Variants in IL16 observed in about 807,000 individuals in gnomAD.
IL16 encodes the protein interleukin 16.
IL16 carries 67 observed loss-of-function variants against 110.1 expected under a neutral mutation model. That is an observed-to-expected ratio of 0.61 (90% CI 0.50 to 0.75). The LOEUF (loss-of-function observed/expected upper bound fraction) is 0.75, where lower values mean the gene tolerates loss of function less well. Ranked by LOEUF, IL16 falls within the 30% of genes least tolerant of loss-of-function variation. The pLI is 0.00. For synonymous variants in IL16, 689 were observed against 662.9 expected, an observed-to-expected ratio of 1.04 and a Z score of -0.61; for missense variants, 1,545 against 1,655.0, an observed-to-expected ratio of 0.93 and a Z score of 1.15.
chr15:81,251,437 A>G (rs1334635135), intron 2 of IL16, among the ~76,000 whole-genome samples: 1 of 152,114 alleles, frequency 6.6e-6, no homozygotes, highest in Non-Finnish European at 1.5e-5. Flanking sequence ...CCTTTTATTT[A>G]GCAGAAGGAT....
At chr15:81,205,730 A>G (rs968535407) in intron 1 of IL16, among the ~76,000 whole-genome samples, 1 of 152,190 alleles carries the variant, frequency 6.6e-6, no homozygotes, top group Non-Finnish European at 1.5e-5. Context: ...AGCCTAAAGA[A>G]ACAAACTCTC....
At chr15:81,184,936 T>C (rs186734992) in intron 1 of IL16, among the ~76,000 whole-genome samples, 23 of 152,242 alleles carry the variant, frequency 1.5e-4, no homozygotes, top group African/African-American at 5.3e-4. Context: ...TCCTCAATAA[T>C]AGTTGGGTCC....
Position 81,309,154 on chromosome 15 carries a change from C to A in IL16, c.*356C>A. ...TACTGTAACTGTGTCATGATTCACC[C>A]CCAAACAGTGACATTTATTTTTCTC... On this transcript the variant is annotated 3_prime_UTR_variant, in exon 19 of 19. Coordinates refer to ENST00000683961, the MANE Select transcript of IL16 (RefSeq NM_172217.5). 1 of 207,226 alleles carries A rather than the reference C, an allele frequency of 4.8e-6. No homozygotes were observed. Among genetic ancestry groups the A allele is most frequent in the Non-Finnish European group, 9.6e-6 (1 of 103,810 alleles). 12.8% of individuals were successfully genotyped at this position (207,226 alleles called of 1,614,324 possible). A position where few individuals can be genotyped will look rare whatever the true frequency, so the allele number is the denominator to read the frequency against.
At chr15:81,240,326 T>C (rs974749279) in intron 2 of IL16, among the ~76,000 whole-genome samples, 2 of 152,072 alleles carry the variant, frequency 1.3e-5, no homozygotes, top group African/African-American at 4.8e-5. Context: ...GGCATTCTTG[T>C]ACATACCTCC....
At chr15:81,287,890 C>A (rs2142335790) in intron 10 of IL16, among the ~76,000 whole-genome samples, 1 of 152,334 alleles carries the variant, frequency 6.6e-6, no homozygotes, top group South Asian at 2.1e-4. Flanking sequence ...AATCTCTGGA[C>A]AATACAAGAA....
chr15:81,269,786 A>C, intron 5 of IL16, 138 bp downstream of exon 5: 1 of 631,494 alleles, frequency 1.6e-6, no homozygotes, highest in South Asian at 2.0e-5. Flanking sequence ...AAGAGTGGCT[A>C]GTCTTAAAAC....
At chr15:81,285,546 G>A (rs962311162) in intron 9 of IL16, 152 bp from the exon 10 acceptor site, 1 of 731,334 alleles carries the variant, frequency 1.4e-6, no homozygotes, top group Admixed American at 2.8e-5. Context: ...GCCCTGTTCT[G>A]AGTTTTGGTC....
At chr15:81,296,485 A>T (rs1184080329) in intron 12 of IL16, among the ~76,000 whole-genome samples, 3 of 152,218 alleles carry the variant, frequency 2.0e-5, no homozygotes, top group African/African-American at 7.2e-5. Flanking sequence ...ACAGCAATTG[A>T]CAAGCATTTT....
intron 1 of IL16, among the ~76,000 whole-genome samples, chr15:81,198,116 T>G (rs1258127753): frequency 6.6e-6 from 1 of 152,144 alleles, no homozygotes; most frequent in Non-Finnish European, 1.5e-5. Context: ...AGATATGACG[T>G]GGGCATGAGC....
chr15:81,261,062 C>A (rs1181283168), intron 3 of IL16, among the ~76,000 whole-genome samples: 1 of 152,192 alleles, frequency 6.6e-6, no homozygotes, highest in Non-Finnish European at 1.5e-5. Flanking sequence ...TGCTTTACAG[C>A]AATTTACAGA....
upstream of IL16, among the ~76,000 whole-genome samples, chr15:81,195,977 T>C (rs1196229649): frequency 6.6e-6 from 1 of 151,608 alleles, no homozygotes; most frequent in Non-Finnish European, 1.5e-5. Flanking sequence ...ATGCTCTGTA[T>C]ACGTTAGGTC....
In IL16 at chr15:81,225,510, T is replaced by C. The variant is rs1313606237; in HGVS notation, c.111T>C (p.Pro37=). The part of the protein sequence containing the change: ...NAKTSDDGSS[P]DEKYPDPFEI... ...AGACCAGTGATGATGGCTCTAGCCC[T>C]GATGAGAAATATCCTGATCCCTTTG... Residue 37 remains proline, a synonymous_variant, in exon 2 of 19, where the codon CCT becomes CCC. Coordinates refer to ENST00000683961, the MANE Select transcript of IL16 (RefSeq NM_172217.5). 1 of 1,614,148 alleles carries C rather than the reference T, an allele frequency of 6.2e-7. No individual in the cohort carries two copies. The highest frequency in any genetic ancestry group is 2.2e-5 in the East Asian group (1 of 44,878).
At chr15:81,266,795 C>A (rs1898402435) in intron 4 of IL16, among the ~76,000 whole-genome samples, 1 of 152,222 alleles carries the variant, frequency 6.6e-6, no homozygotes, top group Non-Finnish European at 1.5e-5. Flanking sequence ...CTCACCCAGC[C>A]TGTCTTGTGA....
At chr15:81,252,496 C>T (rs1897800037) in intron 2 of IL16, among the ~76,000 whole-genome samples, 1 of 152,070 alleles carries the variant, frequency 6.6e-6, no homozygotes, top group African/African-American at 2.4e-5. Flanking sequence ...AACTCACATA[C>T]CACACAATTA....
At position 81,219,375 on chromosome 15, in the gene IL16, G is replaced by A. The variant is rs569549654; in HGVS notation, c.-101-5924G>A. 4.9e-4 allele frequency among the ~76,000 whole-genome samples: 74 copies of A among 152,228 alleles called. 1 individual carries two copies. The highest frequency in any genetic ancestry group is 1.2e-3 in the Admixed American group (19 of 15,292). On this transcript the variant is annotated intron_variant, in intron 1 of 18. Transcript: ENST00000683961. ...AGTGGATATGCCCTTATCTATCTGG[G>A]TGGAAATGCCTTTATTTATCTAGCT...
chr15:81,285,283 C>A (rs1473046856), intron 9 of IL16, among the ~76,000 whole-genome samples: 1 of 152,202 alleles, frequency 6.6e-6, no homozygotes, highest in Non-Finnish European at 1.5e-5. Context: ...AGATCCAATC[C>A]TTCCTTCTAA....
chr15:81,264,503 C>T (rs1386040767), intron 3 of IL16, among the ~76,000 whole-genome samples: 1 of 152,198 alleles, frequency 6.6e-6, no homozygotes, highest in Non-Finnish European at 1.5e-5. Context: ...TCTTTCCCAT[C>T]CTGAAAATAA....
upstream of IL16, among the ~76,000 whole-genome samples, chr15:81,193,280 G>T (rs1029998535): frequency 4.6e-5 from 7 of 152,146 alleles, no homozygotes; most frequent in African/African-American, 1.7e-4. Flanking sequence ...GGAATCAAGA[G>T]TACTGTTGGC....
intron 9 of IL16, among the ~76,000 whole-genome samples, chr15:81,283,357 A>G (rs989714688): frequency 6.6e-6 from 1 of 150,466 alleles, no homozygotes; most frequent in Non-Finnish European, 1.5e-5. Context: ...CAAAAAAAAA[A>G]CCCCAAAAAC....
Sources: allele counts gnomAD v4.1 joint callset (sites outside exome capture counted in the v4.1 genomes callset), GRCh38; gene constraint gnomAD v4.1.1; transcripts MANE v1.5; gene names NCBI Gene and HGNC (gene_info 2026-07-23, HGNC 2026-07-21).